STK32C: variants seen among roughly 807,000 people sequenced by gnomAD.
STK32C encodes the protein serine/threonine-protein kinase 32C.
In STK32C, 31 loss-of-function variants were observed where a neutral mutation model predicts 56.5. The observed-to-expected ratio is 0.55, with a 90% CI of 0.41 to 0.74. The LOEUF is 0.74. STK32C is among the 30% of genes least tolerant of loss of function. STK32C has a pLI of 0.00. For synonymous variants in STK32C, 309 were observed against 289.4 expected, an observed-to-expected ratio of 1.07 and a Z score of -0.69; for missense variants, 544 against 676.9, an observed-to-expected ratio of 0.80 and a Z score of 2.18.
intron 1 of STK32C, among the ~76,000 whole-genome samples, chr10:132,246,414 G>T (rs2063694331): frequency 6.6e-6 from 1 of 152,242 alleles, no homozygotes; most frequent in Admixed American, 6.5e-5. Context: ...CGCGTCTCCA[G>T]AGGACAGGGG....
intron 1 of STK32C, among the ~76,000 whole-genome samples, chr10:132,276,808 T>C (rs1487207821): frequency 6.6e-6 from 1 of 151,330 alleles, no homozygotes; most frequent in African/African-American, 2.4e-5. Context: ...ACCCAATGTA[T>C]CTTCTCCCAA....
intron 2 of STK32C, among the ~76,000 whole-genome samples, chr10:132,240,121 G>A (rs2063450349): frequency 6.6e-6 from 1 of 152,068 alleles, no homozygotes; most frequent in South Asian, 2.1e-4. Flanking sequence ...CAGAGCCTGG[G>A]CTACAGGCAG....
chr10:132,236,446 C>T (rs988474572), intron 2 of STK32C, among the ~76,000 whole-genome samples: 19 of 152,350 alleles, frequency 1.2e-4, no homozygotes, highest in South Asian at 6.2e-4. Context: ...CCACCGTGCA[C>T]GGGCCCCACA....
chr10:132,223,964 C>A (rs552914229), intron 8 of STK32C, among the ~76,000 whole-genome samples: 1 of 152,326 alleles, frequency 6.6e-6, no homozygotes, highest in African/African-American at 2.4e-5. Context: ...GAGGTGTTTG[C>A]AGTGGGCAGT....
At chr10:132,226,284 T>C (rs934184309) in intron 4 of STK32C, among the ~76,000 whole-genome samples, 26 of 152,258 alleles carry the variant, frequency 1.7e-4, no homozygotes, top group African/African-American at 6.0e-4. Context: ...TTTTGTTCCA[T>C]TGCTGCGGAA....
At chr10:132,244,352 G>A (rs2063609938) in intron 2 of STK32C, among the ~76,000 whole-genome samples, 1 of 152,230 alleles carries the variant, frequency 6.6e-6, no homozygotes, top group Non-Finnish European at 1.5e-5. Flanking sequence ...CTTAAGGACT[G>A]GTCCAAGGAG....
intron 2 of STK32C, among the ~76,000 whole-genome samples, chr10:132,244,014 C>A (rs2063598297): frequency 6.6e-6 from 1 of 152,212 alleles, no homozygotes; most frequent in African/African-American, 2.4e-5. Flanking sequence ...TGTGAGCAGA[C>A]ACAGCTACAG....
At chr10:132,224,544 C>T in intron 7 of STK32C, 21 bp from the exon 8 acceptor site, 2 of 1,568,174 alleles carry the variant, frequency 1.3e-6, no homozygotes, top group Non-Finnish European at 8.7e-7. Context: ...GGAGGCAGTG[C>T]TGGGCAGGTC....
chr10:132,246,977 G>C (rs76037708), intron 1 of STK32C, among the ~76,000 whole-genome samples: 6,330 of 152,256 alleles, frequency 0.042, 224 homozygotes, highest in African/African-American at 0.095. Flanking sequence ...ACACCCGCTG[G>C]TTCATGACAT....
At chr10:132,314,608 G>A (rs1300923674) in intron 1 of STK32C, among the ~76,000 whole-genome samples, 1 of 152,072 alleles carries the variant, frequency 6.6e-6, no homozygotes, top group Non-Finnish European at 1.5e-5. Flanking sequence ...GATTCTAAAA[G>A]CTGCATCTTA....
chr10:132,231,899 G>A (rs964220527), intron 2 of STK32C, among the ~76,000 whole-genome samples: 3 of 152,224 alleles, frequency 2.0e-5, no homozygotes, highest in East Asian at 1.9e-4. Flanking sequence ...CCACGGAGCC[G>A]CCCAGAGGGC....
At chr10:132,208,187 C>T (rs1474001748) in intron 11 of STK32C, 36 bp from the exon 12 acceptor site, 1 of 1,303,804 alleles carries the variant, frequency 7.7e-7, no homozygotes, top group Non-Finnish European at 9.8e-7. Flanking sequence ...GCGTTATGCC[C>T]CCACCTCCCT....
rs182666275 is a variant in STK32C at position 132,210,794 on chromosome 10, C to T, written c.1252-1693G>A. On this transcript the variant is annotated intron_variant, in intron 10 of 11. Transcript: ENST00000298630. ...TTGGGTTTGGGGAGCAGCTCACGTTCCCCACCCCGAGGCAGTGCCCTCCGT... is the reference window on the plus strand; with the variant it reads ...TTGGGTTTGGGGAGCAGCTCACGTTTCCCACCCCGAGGCAGTGCCCTCCGT... Among the ~76,000 whole-genome samples, 5 of 152,342 alleles carry T rather than the reference C, an allele frequency of 3.3e-5. No homozygotes were observed. The East Asian group carries it at 9.7e-4, about 29-fold the overall frequency.
At position 132,243,793 on chromosome 10, in the gene STK32C, C is replaced by T. The variant is rs376022273; in HGVS notation, c.318+2107G>A. 6.7e-3 allele frequency among the ~76,000 whole-genome samples: 1,015 copies of T among 152,128 alleles called. 14 individuals are homozygous for T. Among genetic ancestry groups the T allele is most frequent in the African/African-American group, 0.023 (944 of 41,402 alleles). On this transcript the variant is annotated intron_variant, in intron 2 of 11. Coordinates refer to ENST00000298630, the MANE Select transcript of STK32C (RefSeq NM_173575.4). ...GGCCATTTGGCAGGACCCGACTCTA[C>T]CCGGTCAGACTCTAAATGCTGCGCC...
chr10:132,316,574 G>A (rs767065754), intron 1 of STK32C, among the ~76,000 whole-genome samples: 16 of 152,146 alleles, frequency 1.1e-4, no homozygotes, highest in South Asian at 6.2e-4. Flanking sequence ...AACCATGGTC[G>A]TACCACTGCA....
chr10:132,288,232 A>ACCC (rs1554879165), intron 1 of STK32C, among the ~76,000 whole-genome samples: 1 of 152,246 alleles, frequency 6.6e-6, no homozygotes, highest in Non-Finnish European at 1.5e-5. Flanking sequence ...ACAAAAATTA[A>ACCC]CAGCTATAAA....
At chr10:132,236,555 G>A (rs1237054082) in intron 2 of STK32C, among the ~76,000 whole-genome samples, 1 of 152,226 alleles carries the variant, frequency 6.6e-6, no homozygotes, top group Non-Finnish European at 1.5e-5. Flanking sequence ...CAGGAAGGCA[G>A]CCCAGGAGGG....
chr10:132,332,164 A>C (rs1321636929), upstream of STK32C: 2 of 162,170 alleles, frequency 1.2e-5, no homozygotes, highest in Non-Finnish European at 1.3e-5. Context: ...CGGCGTCTCC[A>C]TGGCGACCGC....
At chr10:132,225,209 C>T in intron 7 of STK32C, 24 bp downstream of exon 7, 2 of 1,568,874 alleles carry the variant, frequency 1.3e-6, no homozygotes, top group Non-Finnish European at 1.7e-6. Flanking sequence ...GCAGCCAAGC[C>T]CAGGGGCTGC....
Sources: gnomAD v4.1 joint callset for allele counts (sites outside exome capture counted in the v4.1 genomes callset) on GRCh38, gnomAD v4.1.1 for gene constraint, MANE v1.5 for transcripts, NCBI Gene and HGNC (gene_info 2026-07-23, HGNC 2026-07-21) for gene names.